The following CCNE2 variants were observed in gnomAD, a reference collection of about 807,000 sequenced individuals.
CCNE2 encodes cyclin E2.
A neutral mutation model predicts 56.8 loss-of-function variants in CCNE2; 18 were observed. That is an observed-to-expected ratio of 0.32 (90% CI 0.22 to 0.47). The LOEUF is 0.47. CCNE2 is among the 20% of genes least tolerant of loss of function. CCNE2 has a pLI of 1.00. For missense variants in CCNE2, 371 were observed against 467.1 expected (o/e 0.79, Z 1.90); for synonymous variants, 139 against 149.2 (o/e 0.93, Z 0.50).
rs374512238 is a variant in CCNE2 at position 94,882,319 on chromosome 8, A to G, written c.944-30T>C. ...ATAGATAGAAAAAAGTTAGAAAAGC[A>G]TGAAGGTTGTACATCAGAAACTATC... On this transcript the variant is annotated intron_variant, in intron 10 of 11. Coordinates refer to ENST00000308108, the MANE Select transcript of CCNE2 (RefSeq NM_057749.3). 3 of 1,547,650 alleles carry G rather than the reference A, an allele frequency of 1.9e-6. No homozygotes were observed. The South Asian group carries it at 3.6e-5, about 19-fold the overall frequency.
In CCNE2 at chr8:94,885,468, A is replaced by G. The variant is rs1275973459; in HGVS notation, c.691T>C (p.Leu231=). The change falls in exon 8 of 12, where the codon TTA becomes CTA. Residue 231 remains leucine (L), a synonymous_variant. Transcript: ENST00000308108. The stretch of plus-strand genomic sequence containing the variant: ...GAAAACATAATTATTATTACCTTTA[A>G]TATAATGAGTTCCATCCTTAAGATA... ...EDILRMELII[L]KALKWELCPV... 7.7e-6 allele frequency: 12 copies of G among 1,559,190 alleles called. No homozygotes were observed. The highest frequency in any genetic ancestry group is 1.4e-5 in the African/African-American group (1 of 73,108).
At chr8:94,888,250 G>C (rs1193492055) in intron 6 of CCNE2, among the ~76,000 whole-genome samples, 177 bp from the exon 7 acceptor site, 1 of 152,098 alleles carries the variant, frequency 6.6e-6, no homozygotes, top group East Asian at 1.9e-4. Flanking sequence ...CTATTACTAT[G>C]CACATTTACT....
At chr8:94,894,327 A>C in intron 1 of CCNE2, 80 bp from the exon 2 acceptor site, 7 of 1,408,340 alleles carry the variant, frequency 5.0e-6, no homozygotes, top group Non-Finnish European at 7.0e-6. Context: ...GCTGATTCGC[A>C]GGTGAAAGCT....
chr8:94,882,712 A>T, intron 10 of CCNE2, 69 bp downstream of exon 10: 1 of 1,027,662 alleles, frequency 9.7e-7, no homozygotes, highest in Non-Finnish European at 1.5e-6. Context: ...GCAGAATGTT[A>T]AAGTTCAGAG....
intron 1 of CCNE2, 146 bp downstream of exon 1, chr8:94,895,031 G>C (rs1388737801): frequency 3.5e-6 from 1 of 282,514 alleles, no homozygotes; most frequent in African/African-American, 2.3e-5. Flanking sequence ...TCCTGACAGG[G>C]ACGGAACGCG....
intron 5 of CCNE2, chr8:94,891,659 CAA>C (rs34021439): frequency 0.057 from 14,497 of 254,122 alleles, no homozygotes; most frequent in South Asian, 0.075. Flanking sequence ...CCTCTGTCTC[CAA>C]AAAAAAAAAA....
intron 5 of CCNE2, chr8:94,892,090 C>T: frequency 1.5e-6 from 1 of 653,134 alleles, no homozygotes; most frequent in Non-Finnish European, 2.8e-6. Context: ...GAAACAAAAA[C>T]TTATGGCACA....
upstream of CCNE2, among the ~76,000 whole-genome samples, chr8:94,895,434 T>A (rs562251095): frequency 6.6e-6 from 1 of 151,986 alleles, no homozygotes; most frequent in Non-Finnish European, 1.5e-5. Flanking sequence ...CCGGCGGCGG[T>A]AGGGAAACTC....
At chr8:94,881,784 C>A in intron 11 of CCNE2, 39 bp from the exon 12 acceptor site, 1 of 1,609,596 alleles carries the variant, frequency 6.2e-7, no homozygotes, top group South Asian at 1.1e-5. Context: ...TTTCATAAAT[C>A]AAAGTCAAAC....
At chr8:94,885,597 A>G (rs1470121211) in intron 7 of CCNE2, 39 bp from the exon 8 acceptor site, 1 of 1,237,706 alleles carries the variant, frequency 8.1e-7, no homozygotes, top group Non-Finnish European at 1.2e-6. Flanking sequence ...CAATTGAGAT[A>G]GAAATTAATT....
At chr8:94,885,327 T>A in intron 8 of CCNE2, 126 bp from the exon 9 acceptor site, 1 of 1,098,470 alleles carries the variant, frequency 9.1e-7, no homozygotes, top group Non-Finnish European at 1.3e-6. Context: ...TTTGATGCAT[T>A]AACCTCTTAG....
At position 94,892,800 on chromosome 8, in the gene CCNE2, T is replaced by C; in HGVS notation, c.317+18A>G. On this transcript the variant is annotated intron_variant, in intron 5 of 11. Coordinates refer to ENST00000308108, the MANE Select transcript of CCNE2 (RefSeq NM_057749.3). ...CAACTTTATATCTTTGAAATAAAATTACTGAAATTTTTCTTACCTTAAATC... is the reference window on the plus strand; with the variant it reads ...CAACTTTATATCTTTGAAATAAAATCACTGAAATTTTTCTTACCTTAAATC... 7.8e-7 allele frequency: 1 copy of C among 1,282,014 alleles called. No homozygotes were observed. The highest frequency in any genetic ancestry group is 2.4e-4 in the Middle Eastern group (1 of 4,238). The allele number at this position is 1,282,014 out of a possible 1,614,324, so 79.4% of individuals were successfully genotyped here.
intron 9 of CCNE2, chr8:94,884,771 A>G: frequency 4.2e-6 from 1 of 236,086 alleles, no homozygotes; most frequent in South Asian, 9.4e-5. Context: ...ATGCCATTAT[A>G]AAGCTTAAAC....
intron 6 of CCNE2, among the ~76,000 whole-genome samples, chr8:94,889,148 C>CAA (rs763468581): frequency 8.9e-6 from 1 of 111,974 alleles, no homozygotes. Context: ...GGCTCCGTCT[C>CAA]AAAAAAAAAA....
intron 9 of CCNE2, among the ~76,000 whole-genome samples, chr8:94,883,261 G>A (rs1010443003): frequency 3.3e-5 from 5 of 150,880 alleles, no homozygotes; most frequent in Non-Finnish European, 7.4e-5. Flanking sequence ...GGGCGAAAGA[G>A]CGAGACTCCG....
chr8:94,881,436 T>TAACA lies in CCNE2; in HGVS notation c.*192_*195dup, dbSNP rs534023132. The stretch of plus-strand genomic sequence containing the variant: ...TTGTAAACAAGTCCTGCTGTTTCTT[T>TAACA]AACAGCTAACATAGGAAATAATTAA... On this transcript the variant is annotated 3_prime_UTR_variant, in exon 12 of 12. Transcript: ENST00000308108. The TAACA allele has an allele frequency of 2.0e-4, 112 of 569,198 alleles. No individual in the cohort carries two copies. The East Asian group carries it at 3.3e-3, about 17-fold the overall frequency. The allele number at this position is 569,198 out of a possible 1,614,324, so 35.3% of individuals were successfully genotyped here.
chr8:94,887,872 A>G (rs1817093598), intron 7 of CCNE2, 55 bp downstream of exon 7: 1 of 1,262,940 alleles, frequency 7.9e-7, no homozygotes. Flanking sequence ...TAATATGTTG[A>G]TTTAAAAAAA....
At chr8:94,881,855 T>C (rs1816830104) in intron 11 of CCNE2, 110 bp from the exon 12 acceptor site, 1 of 1,323,874 alleles carries the variant, frequency 7.6e-7, no homozygotes, top group African/African-American at 1.5e-5. Flanking sequence ...TTTTTATGTC[T>C]TTGCAAGTGT....
At chr8:94,887,357 CAGCTG>C (rs1314787453) in intron 7 of CCNE2, among the ~76,000 whole-genome samples, 7 of 151,892 alleles carry the variant, frequency 4.6e-5, no homozygotes, top group African/African-American at 1.7e-4. Context: ...ATACAAAAAT[CAGCTG>C]GGCGTGGTGG....
Sources: gnomAD v4.1 joint callset for allele counts (sites outside exome capture counted in the v4.1 genomes callset) on GRCh38, gnomAD v4.1.1 for gene constraint, MANE v1.5 for transcripts, NCBI Gene and HGNC (gene_info 2026-07-23, HGNC 2026-07-21) for gene names.